Variants in BRWD3 observed in about 807,000 individuals in gnomAD.
BRWD3 encodes the protein bromodomain and WD repeat domain containing 3.
BRWD3 carries 10 observed loss-of-function variants against 149.7 expected under a neutral mutation model. That is an observed-to-expected ratio of 0.07 (90% CI 0.04 to 0.11). BRWD3 has a LOEUF of 0.11. Among genes scored for constraint, BRWD3 ranks in the 10% least tolerant of loss-of-function variants. BRWD3 has a pLI of 1.00. For synonymous variants in BRWD3, 504 were observed against 456.7 expected (o/e 1.10, Z -1.32); for missense variants, 940 against 1,373.2 (o/e 0.68, Z 4.99).
intron 14 of BRWD3, among the ~76,000 whole-genome samples, chrX:80,728,094 A>G (rs2073275939): frequency 8.9e-6 from 1 of 112,035 alleles, no homozygotes; most frequent in Non-Finnish European, 1.9e-5. Context: ...TATTCTTATC[A>G]CTTACTATCG....
At chrX:80,752,725 A>C (rs1422896887) in intron 6 of BRWD3, among the ~76,000 whole-genome samples, 2 of 111,788 alleles carry the variant, frequency 1.8e-5, no homozygotes, top group Non-Finnish European at 1.9e-5. Context: ...GCTGAAGTGC[A>C]GTGGCACCAT....
intron 22 of BRWD3, 104 bp from the exon 23 acceptor site, chrX:80,704,950 G>A (rs1027486713): frequency 7.0e-6 from 6 of 853,884 alleles, no homozygotes; most frequent in African/African-American, 4.1e-5. Context: ...TAAATGACAT[G>A]GCTGGATTTT....
chrX:80,790,559 A>G (rs1019899849), intron 6 of BRWD3, among the ~76,000 whole-genome samples: 2 of 111,510 alleles, frequency 1.8e-5, no homozygotes, highest in Admixed American at 1.9e-4. Flanking sequence ...AAGAATAACA[A>G]ACGGATTCAA....
chrX:80,713,668 G>A (rs79527295), intron 20 of BRWD3, among the ~76,000 whole-genome samples: 2,112 of 109,905 alleles, frequency 0.019, 27 homozygotes, highest in Middle Eastern at 0.056. Context: ...CTCTGCGAGA[G>A]ACACCCAAGA....
At chrX:80,793,094 G>A (rs1355857300) in intron 5 of BRWD3, among the ~76,000 whole-genome samples, 1 of 97,395 alleles carries the variant, frequency 1.0e-5, no homozygotes, top group African/African-American at 3.7e-5. Flanking sequence ...CCTGGGAGGC[G>A]GAGGTTGTGG....
At chrX:80,743,743 G>C (rs897285337) in intron 8 of BRWD3, 2 of 265,618 alleles carry the variant, frequency 7.5e-6, no homozygotes, top group African/African-American at 5.6e-5. Context: ...AGGAAAGAGT[G>C]TGCTCTTAAG....
chrX:80,719,997 C>T (rs1457844619), intron 17 of BRWD3, among the ~76,000 whole-genome samples: 2 of 111,579 alleles, frequency 1.8e-5, no homozygotes, highest in Non-Finnish European at 3.8e-5. Flanking sequence ...TGTTTAGTGA[C>T]ATCATAGCCT....
intron 20 of BRWD3, 67 bp downstream of exon 20, chrX:80,716,090 T>G (rs1326405452): frequency 1.1e-6 from 1 of 931,975 alleles, no homozygotes; most frequent in African/African-American, 1.9e-5. Context: ...CTGCTGCCTC[T>G]CAAAAGCCTA....
At chrX:80,741,753 G>T (rs986418160) in intron 8 of BRWD3, among the ~76,000 whole-genome samples, 1 of 111,475 alleles carries the variant, frequency 9.0e-6, no homozygotes, top group African/African-American at 3.3e-5. Context: ...TTTTTGACGG[G>T]GTTGTTTGTT....
chrX:80,745,534 T>C, intron 7 of BRWD3, 35 bp downstream of exon 7: 3 of 1,154,487 alleles, frequency 2.6e-6, no homozygotes, highest in Non-Finnish European at 3.5e-6. Context: ...GTTGTAATTC[T>C]ATATATGTTA....
rs2073357343 is a variant in BRWD3 at position 80,733,134 on chromosome X, A to G, written c.1127+322T>C. 6 of 147,659 alleles carry G rather than the reference A, an allele frequency of 4.1e-5. No individual in the cohort carries two copies. The South Asian group carries it at 1.5e-3, about 37-fold the overall frequency. The allele number at this position is 147,659 out of a possible 1,213,427, so 12.2% of individuals were successfully genotyped here. A position where few individuals can be genotyped will look rare whatever the true frequency, so the allele number is the denominator to read the frequency against. ...AACAGAGCAAGACACCGTCTCAAAA[A>G]AAAAAAAAAAAGAACAATGTTACAC... On this transcript the variant is annotated intron_variant, in intron 12 of 40. Coordinates refer to ENST00000373275, the MANE Select transcript of BRWD3 (RefSeq NM_153252.5).
At chrX:80,763,316 T>TTA (rs2073822378) in intron 6 of BRWD3, among the ~76,000 whole-genome samples, 1 of 111,662 alleles carries the variant, frequency 9.0e-6, no homozygotes, top group Non-Finnish European at 1.9e-5. Context: ...ATGGCTGCTT[T>TTA]TATAGCAGCT....
At chrX:80,768,923 A>G (rs1246632709) in intron 6 of BRWD3, among the ~76,000 whole-genome samples, 1 of 111,134 alleles carries the variant, frequency 9.0e-6, no homozygotes, top group Non-Finnish European at 1.9e-5. Context: ...AAAGAAAAAA[A>G]AAAGCAGGGG....
intron 4 of BRWD3, among the ~76,000 whole-genome samples, chrX:80,801,507 C>T (rs761099761): frequency 9.2e-6 from 1 of 108,677 alleles, no homozygotes; most frequent in Non-Finnish European, 1.9e-5. Flanking sequence ...TGAGCAACCG[C>T]GCCCGGACGA....
chrX:80,736,308 G>A (rs933330362), intron 8 of BRWD3, among the ~76,000 whole-genome samples: 1 of 111,182 alleles, frequency 9.0e-6, no homozygotes, highest in Non-Finnish European at 1.9e-5. Flanking sequence ...ACTGAACTTA[G>A]GGTAAAATGT....
intron 4 of BRWD3, among the ~76,000 whole-genome samples, chrX:80,807,655 T>C (rs1458581588): frequency 1.8e-5 from 2 of 112,134 alleles, no homozygotes; most frequent in Non-Finnish European, 3.8e-5. Context: ...CCTGTTTTTG[T>C]GTGTCAATGC....
chrX:80,723,142 A>G (rs772556700), intron 16 of BRWD3, among the ~76,000 whole-genome samples: 4 of 111,657 alleles, frequency 3.6e-5, no homozygotes, highest in Non-Finnish European at 7.5e-5. Context: ...TTTTTATTCA[A>G]ATGAAGATAG....
intron 12 of BRWD3, 124 bp downstream of exon 12, chrX:80,733,332 A>G: frequency 2.0e-6 from 1 of 505,632 alleles, no homozygotes. Flanking sequence ...AAAGACAAAC[A>G]AGGGCTTTGA....
intron 11 of BRWD3, among the ~76,000 whole-genome samples, 164 bp downstream of exon 11, chrX:80,733,954 C>A (rs922342623): frequency 9.0e-6 from 1 of 110,851 alleles, no homozygotes; most frequent in Admixed American, 9.6e-5. Context: ...AATAATTAAC[C>A]CATACTTTTA....
Sources: allele counts gnomAD v4.1 joint callset (sites outside exome capture counted in the v4.1 genomes callset), GRCh38; gene constraint gnomAD v4.1.1; transcripts MANE v1.5; gene names NCBI Gene and HGNC (gene_info 2026-07-23, HGNC 2026-07-21).